ACSM3: variants seen among roughly 807,000 people sequenced by gnomAD.
The protein encoded by ACSM3 is acyl-CoA synthetase medium chain family member 3, also known as acyl-coenzyme A synthetase ACSM3, mitochondrial.
ACSM3 carries 61 observed loss-of-function variants against 74.1 expected under a neutral mutation model. That is an observed-to-expected ratio of 0.82 (90% CI 0.67 to 1.02). The LOEUF (loss-of-function observed/expected upper bound fraction) is 1.02. Among genes scored for constraint, ACSM3 ranks in the 50% least tolerant of loss-of-function variants. The pLI is 0.00. For synonymous variants in ACSM3, 213 were observed against 241.5 expected, an observed-to-expected ratio of 0.88 and a Z score of 1.09; for missense variants, 660 against 697.0, an observed-to-expected ratio of 0.95 and a Z score of 0.60.
intron 1 of ACSM3, chr16:20,697,647 T>A (rs1169361398): frequency 1.3e-5 from 2 of 152,208 alleles, no homozygotes; most frequent in African/African-American, 4.8e-5. Flanking sequence ...TGGTACTGTT[T>A]AGGACGTAGC....
chr16:20,738,345 A>G (rs2079889283), intron 1 of ACSM3: 1 of 410,020 alleles, frequency 2.4e-6, no homozygotes, highest in South Asian at 1.8e-5. Flanking sequence ...GAGTCACTTT[A>G]AAAGATGTAA....
chr16:20,755,954 G>A (rs1400874939), intron 3 of ACSM3, among the ~76,000 whole-genome samples: 1 of 151,722 alleles, frequency 6.6e-6, no homozygotes, highest in Non-Finnish European at 1.5e-5. Context: ...CCCTACAAAG[G>A]ACATGAACTC....
chr16:20,740,705 C>A (rs1387150875), intron 1 of ACSM3, among the ~76,000 whole-genome samples: 2 of 152,110 alleles, frequency 1.3e-5, no homozygotes, highest in African/African-American at 4.8e-5. Context: ...TCATTTAATC[C>A]CTCAGTGTGC....
chr16:20,726,786 G>GTAA (rs2079807983), intron 1 of ACSM3, among the ~76,000 whole-genome samples: 1 of 152,234 alleles, frequency 6.6e-6, no homozygotes, highest in Non-Finnish European at 1.5e-5. Flanking sequence ...TCACAAGGCT[G>GTAA]TGGTGAGAAT....
intron 10 of ACSM3, chr16:20,791,052 G>A: frequency 3.1e-6 from 3 of 973,866 alleles, no homozygotes; most frequent in Admixed American, 2.6e-5. Context: ...AGGGACAGGG[G>A]ATGCGGGGGT....
chr16:20,732,317 AAAGGTAGTAAATTTCAACCT>A (rs1399145052), intron 1 of ACSM3, among the ~76,000 whole-genome samples: 3 of 152,188 alleles, frequency 2.0e-5, no homozygotes, highest in Admixed American at 6.5e-5. Flanking sequence ...ATTTCAGTCA[AAAGGTAGTAAATTTCAACCT>A]AAGAACTATT....
At chr16:20,722,717 C>A (rs942185776) in intron 1 of ACSM3, among the ~76,000 whole-genome samples, 2 of 152,026 alleles carry the variant, frequency 1.3e-5, no homozygotes, top group African/African-American at 2.4e-5. Flanking sequence ...AACTTGCAGC[C>A]CTGAGGAAGA....
At chr16:20,761,650 A>G (rs909644112), upstream of ACSM3, among the ~76,000 whole-genome samples, 7 of 152,222 alleles carry the variant, frequency 4.6e-5, no homozygotes, top group African/African-American at 1.7e-4. Flanking sequence ...GGTGATGGTC[A>G]GGCGGTTATT....
intron 1 of ACSM3, among the ~76,000 whole-genome samples, chr16:20,693,233 A>T (rs1250506326): frequency 6.6e-6 from 1 of 151,964 alleles, no homozygotes; most frequent in African/African-American, 2.4e-5. Flanking sequence ...TTTCCAATGG[A>T]CTGGGATGTG....
chr16:20,682,649 C>T (rs946056972), intron 1 of ACSM3, among the ~76,000 whole-genome samples: 1 of 152,192 alleles, frequency 6.6e-6, no homozygotes, highest in African/African-American at 2.4e-5. Context: ...GAATCAGAAT[C>T]TGCATCTTAA....
chr16:20,744,186 T>G (rs955088798), intron 1 of ACSM3, among the ~76,000 whole-genome samples: 1 of 152,214 alleles, frequency 6.6e-6, no homozygotes, highest in Non-Finnish European at 1.5e-5. Flanking sequence ...ATTTTATGGG[T>G]GGCCCAAGAG....
chr16:20,747,084 AAAC>A (rs1167977845), intron 1 of ACSM3, among the ~76,000 whole-genome samples: 1 of 152,136 alleles, frequency 6.6e-6, no homozygotes, highest in African/African-American at 2.4e-5. Context: ...ATAAAAAAAA[AAAC>A]AAGTTTTCTT....
chr16:20,688,837 G>A (rs1407683541), intron 1 of ACSM3, among the ~76,000 whole-genome samples: 1 of 151,732 alleles, frequency 6.6e-6, no homozygotes, highest in African/African-American at 2.4e-5. Context: ...AAGTTCTCTT[G>A]TAAATATAAA....
chr16:20,743,218 G>C (rs1415098870), intron 1 of ACSM3, among the ~76,000 whole-genome samples: 1 of 152,186 alleles, frequency 6.6e-6, no homozygotes, highest in African/African-American at 2.4e-5. Context: ...GATTACAGGC[G>C]TGAGCCACCG....
At chr16:20,676,865 G>A (rs2020312844) in intron 1 of ACSM3, among the ~76,000 whole-genome samples, 1 of 151,924 alleles carries the variant, frequency 6.6e-6, no homozygotes, top group Non-Finnish European at 1.5e-5. Flanking sequence ...CAAGGCCATG[G>A]TATAAAAAAA....
At chr16:20,742,537 G>A (rs971999626) in intron 1 of ACSM3, among the ~76,000 whole-genome samples, 2 of 151,958 alleles carry the variant, frequency 1.3e-5, no homozygotes, top group African/African-American at 4.8e-5. Context: ...CAACTACTCG[G>A]GAGGCTGAGG....
At chr16:20,737,118 G>A (rs1413240361) in intron 1 of ACSM3, 1 of 1,614,038 alleles carries the variant, frequency 6.2e-7, no homozygotes, top group African/African-American at 1.3e-5. Flanking sequence ...GTTAAGCTGT[G>A]ACGGATCCTT....
Position 20,738,969 on chromosome 16 carries a change from T to A in ACSM3, c.-189-10941T>A, listed in dbSNP as rs767826864. ...ACTGACTGGAATCTTCTTAACCTCA[T>A]CTCTGTAGATGCCTTAATGTCACCA... On this transcript the variant is annotated intron_variant, in intron 1 of 3. Coordinates refer to the ACSM3 transcript ENST00000561584. The A allele has an allele frequency of 3.7e-6, 6 of 1,614,208 alleles. No homozygotes were observed. The Admixed American group carries it at 1.0e-4, about 27-fold the overall frequency.
chr16:20,727,378 G>C (rs2079810280), intron 1 of ACSM3: 5 of 584,982 alleles, frequency 8.5e-6, no homozygotes, highest in South Asian at 5.5e-5. Flanking sequence ...TGCTTGACAG[G>C]AGGGGAGGCC....
Sources: allele counts gnomAD v4.1 joint callset (sites outside exome capture counted in the v4.1 genomes callset), GRCh38; gene constraint gnomAD v4.1.1; transcripts MANE v1.5; gene names NCBI Gene and HGNC (gene_info 2026-07-23, HGNC 2026-07-21).